Variants in DEFB124 observed in about 807,000 individuals in gnomAD.
DEFB124 encodes beta-defensin 124.
For missense variants in DEFB124, 78 were observed against 83.1 expected (o/e 0.94, Z 0.24); for synonymous variants, 38 against 36.5 (o/e 1.04, Z -0.15).
At chr20:31,470,273 C>G (rs1396176798) in intron 2 of DEFB124, among the ~76,000 whole-genome samples, 1 of 144,872 alleles carries the variant, frequency 6.9e-6, no homozygotes, top group East Asian at 2.2e-4. Flanking sequence ...CCACCTCCCT[C>G]CCGGACGGGG....
At chr20:31,470,776 C>T (rs1980249508) in intron 2 of DEFB124, among the ~76,000 whole-genome samples, 2 of 128,000 alleles carry the variant, frequency 1.6e-5, no homozygotes, top group East Asian at 2.6e-4. Context: ...CCAGTAGGGG[C>T]GGCTGGGCAG....
intron 2 of DEFB124, among the ~76,000 whole-genome samples, chr20:31,470,063 T>C (rs1980193338): frequency 7.5e-6 from 1 of 132,724 alleles, no homozygotes; most frequent in South Asian, 2.2e-4. Flanking sequence ...ACGGGGCGGC[T>C]GGACGGGCAG....
At chr20:31,473,124 G>A in intron 1 of DEFB124, 86 bp from the exon 2 acceptor site, 1 of 1,258,624 alleles carries the variant, frequency 7.9e-7, no homozygotes, top group Admixed American at 2.0e-5. Flanking sequence ...GATGAAGGCA[G>A]TGCTGTGGGC....
chr20:31,468,537 G>A (rs141873814), intron 2 of DEFB124, among the ~76,000 whole-genome samples: 2,094 of 151,378 alleles, frequency 0.014, 41 homozygotes, highest in African/African-American at 0.049. Context: ...GAGCAGTGGC[G>A]CAATCACGGC....
chr20:31,471,079 A>C (rs1279865689), intron 2 of DEFB124, among the ~76,000 whole-genome samples: 3 of 98,616 alleles, frequency 3.0e-5, no homozygotes, highest in African/African-American at 1.2e-4. Flanking sequence ...TCCCTCCCGG[A>C]CGTGGGGCTG....
chr20:31,465,735 G>A, intron 2 of DEFB124, 72 bp from the exon 3 acceptor site: 1 of 1,556,660 alleles, frequency 6.4e-7, no homozygotes, highest in African/African-American at 1.4e-5. Context: ...CACAAGTTAG[G>A]CCACAGATTC....
At chr20:31,472,706 T>A (rs932020392) in intron 2 of DEFB124, 2 of 445,136 alleles carry the variant, frequency 4.5e-6, no homozygotes, top group African/African-American at 4.0e-5. Flanking sequence ...TGTCTTTCAC[T>A]GTTATTATTT....
intron 2 of DEFB124, among the ~76,000 whole-genome samples, chr20:31,470,253 G>A (rs1980205364): frequency 6.9e-6 from 1 of 145,524 alleles, no homozygotes; most frequent in African/African-American, 2.5e-5. Flanking sequence ...CGGGCGGGGG[G>A]CTGACCCCCC....
At chr20:31,472,427 G>A (rs1180697649) in intron 2 of DEFB124, among the ~76,000 whole-genome samples, 1 of 143,486 alleles carries the variant, frequency 7.0e-6, no homozygotes, top group African/African-American at 2.6e-5. Context: ...GAGGGAGAGG[G>A]GAGAGGGGAG....
chr20:31,470,044 ACCTCCC>A (rs1980192048), intron 2 of DEFB124, among the ~76,000 whole-genome samples: 1 of 131,660 alleles, frequency 7.6e-6, no homozygotes. Context: ...GGCGCCCCTC[ACCTCCC>A]GGACGGGGCG....
chr20:31,468,619 G>A (rs562541640), intron 2 of DEFB124, among the ~76,000 whole-genome samples: 1 of 151,918 alleles, frequency 6.6e-6, no homozygotes, highest in Admixed American at 6.6e-5. Context: ...GGGATTACAG[G>A]CGCCCACCAC....
intron 2 of DEFB124, among the ~76,000 whole-genome samples, chr20:31,471,889 G>A (rs1336874583): frequency 2.6e-5 from 4 of 151,442 alleles, no homozygotes; most frequent in African/African-American, 9.7e-5. Flanking sequence ...CGGGATGGCG[G>A]CGGGGCAGAG....
intron 2 of DEFB124, among the ~76,000 whole-genome samples, chr20:31,466,180 T>C (rs1474952723): frequency 6.6e-6 from 1 of 152,024 alleles, no homozygotes; most frequent in African/African-American, 2.4e-5. Flanking sequence ...GAAACTGATT[T>C]CTTGTCCAGG....
chr20:31,471,546 C>G (rs1980308835), intron 2 of DEFB124, among the ~76,000 whole-genome samples: 1 of 148,196 alleles, frequency 6.7e-6, no homozygotes, highest in Admixed American at 6.7e-5. Flanking sequence ...GGAGGCTGAT[C>G]CCCCCACCTC....
intron 2 of DEFB124, among the ~76,000 whole-genome samples, chr20:31,467,618 C>T (rs1275333296): frequency 1.3e-5 from 2 of 152,186 alleles, no homozygotes; most frequent in East Asian, 3.8e-4. Flanking sequence ...CTGGAACAAC[C>T]AGGACCCATT....
At chr20:31,472,272 G>A (rs1418402457) in intron 2 of DEFB124, among the ~76,000 whole-genome samples, 1 of 151,994 alleles carries the variant, frequency 6.6e-6, no homozygotes, top group Non-Finnish European at 1.5e-5. Flanking sequence ...GCGTGGTGGC[G>A]CGCGCCTGCA....
chr20:31,469,877 T>C (rs1011939053), intron 2 of DEFB124, among the ~76,000 whole-genome samples: 8 of 148,190 alleles, frequency 5.4e-5, no homozygotes, highest in Non-Finnish European at 1.2e-4. Context: ...AACCATCCGA[T>C]TTCTCAATCT....
intron 2 of DEFB124, among the ~76,000 whole-genome samples, chr20:31,470,601 G>T (rs1478316666): frequency 2.0e-4 from 23 of 113,924 alleles, no homozygotes; most frequent in South Asian, 5.1e-4. Flanking sequence ...CCGGGCGGGG[G>T]GCTGACCCCC....
chr20:31,474,069 C>G (rs2122460939), intron 1 of DEFB124, among the ~76,000 whole-genome samples: 1 of 152,334 alleles, frequency 6.6e-6, no homozygotes, highest in South Asian at 2.1e-4. Flanking sequence ...TGAAATGATT[C>G]TGCAGAGAAT....
Sources: gnomAD v4.1 joint callset for allele counts (sites outside exome capture counted in the v4.1 genomes callset) on GRCh38, gnomAD v4.1.1 for gene constraint, MANE v1.5 for transcripts, NCBI Gene and HGNC (gene_info 2026-07-23, HGNC 2026-07-21) for gene names.